ZFHX3: variants seen among roughly 807,000 people sequenced by gnomAD.
ZFHX3 encodes zinc finger homeobox protein 3.
ZFHX3 carries 42 observed loss-of-function variants against 279.1 expected under a neutral mutation model. That is an observed-to-expected ratio of 0.15 (90% CI 0.12 to 0.19). The LOEUF is 0.19. Ranked by LOEUF, ZFHX3 falls within the 10% of genes least tolerant of loss-of-function variation. ZFHX3 has a pLI of 1.00. For missense variants in ZFHX3, 4,981 were observed against 4,754.0 expected (o/e 1.05, Z -1.40); for synonymous variants, 2,293 against 1,957.8 (o/e 1.17, Z -4.52).
At chr16:73,320,700 T>C (rs2015558210) in intron 3 of ZFHX3, among the ~76,000 whole-genome samples, 1 of 152,214 alleles carries the variant, frequency 6.6e-6, no homozygotes. Flanking sequence ...TGTCATCCCA[T>C]TGAAGGCTCC....
chr16:73,769,302 A>G (rs2053989826), intron 1 of ZFHX3, among the ~76,000 whole-genome samples: 1 of 152,192 alleles, frequency 6.6e-6, no homozygotes, highest in African/African-American at 2.4e-5. Context: ...TGAGGATTTA[A>G]GTAAATCTGT....
intron 1 of ZFHX3, among the ~76,000 whole-genome samples, chr16:73,688,016 T>A (rs2053108458): frequency 6.6e-6 from 1 of 152,186 alleles, no homozygotes; most frequent in South Asian, 2.1e-4. Context: ...TCAGTGGACA[T>A]GGGACATTAT....
intron 1 of ZFHX3, among the ~76,000 whole-genome samples, chr16:73,003,976 A>C: frequency 6.6e-6 from 1 of 151,556 alleles, no homozygotes; most frequent in Non-Finnish European, 1.5e-5. Context: ...GTTCAAAAAA[A>C]CAAAACAAAA....
At chr16:73,570,632 G>C (rs1185213661) in intron 2 of ZFHX3, among the ~76,000 whole-genome samples, 1 of 152,106 alleles carries the variant, frequency 6.6e-6, no homozygotes, top group East Asian at 1.9e-4. Flanking sequence ...TTGGGCATGA[G>C]CTTGATCTTT....
chr16:73,617,965 G>A (rs189561532), intron 2 of ZFHX3, among the ~76,000 whole-genome samples: 1 of 152,226 alleles, frequency 6.6e-6, no homozygotes, highest in Non-Finnish European at 1.5e-5. Context: ...CTCTGGCTCT[G>A]CACATTGGCC....
At chr16:73,816,550 A>G (rs538510250) in intron 1 of ZFHX3, among the ~76,000 whole-genome samples, 21 of 152,348 alleles carry the variant, frequency 1.4e-4, no homozygotes, top group African/African-American at 5.0e-4. Flanking sequence ...CACAAAGCTA[A>G]AACTATTTAC....
At chr16:73,217,294 T>G (rs2144916531) in intron 5 of ZFHX3, among the ~76,000 whole-genome samples, 1 of 152,340 alleles carries the variant, frequency 6.6e-6, no homozygotes, top group East Asian at 1.9e-4. Flanking sequence ...AGCCTTCGTA[T>G]GCCTCAGCAA....
At chr16:73,845,831 T>C (rs1961436294) in intron 1 of ZFHX3, among the ~76,000 whole-genome samples, 1 of 152,206 alleles carries the variant, frequency 6.6e-6, no homozygotes, top group African/African-American at 2.4e-5. Context: ...TCTTTTTTTT[T>C]AGAGACAGAG....
chr16:73,524,404 T>C (rs908693176), intron 2 of ZFHX3, among the ~76,000 whole-genome samples: 1 of 152,180 alleles, frequency 6.6e-6, no homozygotes, highest in African/African-American at 2.4e-5. Context: ...AAACATCAAC[T>C]GAAGTCTTGC....
rs9940877 is a variant in ZFHX3 at position 73,806,572 on chromosome 16, T to C, written c.-1608+85079A>G. Among the ~76,000 whole-genome samples, 1,132 of 152,114 alleles carry C rather than the reference T, an allele frequency of 7.4e-3. 24 individuals are homozygous for C. Among genetic ancestry groups the C allele is most frequent in the African/African-American group, 0.025 (1,058 of 41,498 alleles). ...TTAGGGGCAGGGTGGGGATGGGGATTAGTTGTCAGCCAATAACACTGGTTG... is the reference window on the plus strand; with the variant it reads ...TTAGGGGCAGGGTGGGGATGGGGATCAGTTGTCAGCCAATAACACTGGTTG... On this transcript the variant is annotated intron_variant, in intron 1 of 17. Coordinates refer to the ZFHX3 transcript ENST00000641206.
At chr16:73,353,166 C>T (rs2016278611) in intron 3 of ZFHX3, among the ~76,000 whole-genome samples, 1 of 152,224 alleles carries the variant, frequency 6.6e-6, no homozygotes, top group South Asian at 2.1e-4. Flanking sequence ...TGCTGGGAGG[C>T]TCTGCTCAGG....
chr16:73,286,717 T>C (rs2014610731), intron 4 of ZFHX3, among the ~76,000 whole-genome samples: 1 of 131,360 alleles, frequency 7.6e-6, no homozygotes, highest in Non-Finnish European at 1.6e-5. Context: ...GTGTGTGGGT[T>C]CATGTGTGGC....
chr16:72,856,867 T>C (rs1380219033), intron 4 of ZFHX3, among the ~76,000 whole-genome samples: 3 of 152,014 alleles, frequency 2.0e-5, no homozygotes, highest in Non-Finnish European at 4.4e-5. Context: ...GGCTTATAAA[T>C]ACAGACAGGA....
Position 72,786,296 on chromosome 16 carries a change from G to T in ZFHX3, c.*868C>A, listed in dbSNP as rs1233336548. 1 of 147,828 alleles carries T rather than the reference G, an allele frequency of 6.8e-6. No homozygotes were observed. The highest frequency in any genetic ancestry group is 1.5e-5 in the Non-Finnish European group (1 of 67,286). The allele number at this position is 147,828 out of a possible 1,614,324, so 9.2% of individuals were successfully genotyped here. Reference sequence around the variant, plus strand: ...CATACTGCTTCAGTTCATTTCCAATGCAACAATCTACTCAACACCAAAAAT... The same window carrying T: ...CATACTGCTTCAGTTCATTTCCAATTCAACAATCTACTCAACACCAAAAAT... On this transcript the variant is annotated 3_prime_UTR_variant, in exon 10 of 10. Transcript: ENST00000268489.
At chr16:72,927,511 C>T (rs1959520721) in intron 3 of ZFHX3, among the ~76,000 whole-genome samples, 1 of 152,190 alleles carries the variant, frequency 6.6e-6, no homozygotes, top group South Asian at 2.1e-4. Context: ...TCACACCTCA[C>T]AAAAGGAGGA....
At chr16:73,628,572 C>T (rs1173165550) in intron 2 of ZFHX3, among the ~76,000 whole-genome samples, 1 of 152,164 alleles carries the variant, frequency 6.6e-6, no homozygotes, top group Non-Finnish European at 1.5e-5. Context: ...CGCTCTGGGC[C>T]TGCCTTGCCC....
At chr16:73,156,977 G>T (rs1664293805) in intron 5 of ZFHX3, among the ~76,000 whole-genome samples, 1 of 151,886 alleles carries the variant, frequency 6.6e-6, no homozygotes, top group Non-Finnish European at 1.5e-5. Context: ...CTCCCAAAGT[G>T]CTTGGATTGC....
chr16:73,031,342 A>C (rs1020654666), intron 1 of ZFHX3, among the ~76,000 whole-genome samples: 6 of 152,222 alleles, frequency 3.9e-5, no homozygotes. Context: ...GAAGGAAGGA[A>C]GGACGCAGGA....
chr16:73,292,415 A>C (rs1047793799), intron 4 of ZFHX3, among the ~76,000 whole-genome samples: 41 of 152,184 alleles, frequency 2.7e-4, no homozygotes, highest in African/African-American at 9.4e-4. Flanking sequence ...CTGTGGCTTT[A>C]ACTTCCAGCC....
Sources: gnomAD v4.1 joint callset for allele counts (sites outside exome capture counted in the v4.1 genomes callset) on GRCh38, gnomAD v4.1.1 for gene constraint, MANE v1.5 for transcripts, NCBI Gene and HGNC (gene_info 2026-07-23, HGNC 2026-07-21) for gene names.